Variants in CREB1 observed in about 807,000 individuals in gnomAD.
CREB1 encodes the protein cyclic AMP-responsive element-binding protein 1.
CREB1 carries 2 observed loss-of-function variants against 42.0 expected under a neutral mutation model. The ratio of observed to expected loss-of-function variants is 0.05; its 90% CI spans 0.02 to 0.15. CREB1 has a LOEUF of 0.15. CREB1 is among the 10% of genes least tolerant of loss of function. CREB1 has a pLI of 1.00. For synonymous variants in CREB1, 123 were observed against 139.9 expected, an observed-to-expected ratio of 0.88 and a Z score of 0.85; for missense variants, 199 against 388.9, an observed-to-expected ratio of 0.51 and a Z score of 4.11.
At chr2:207,576,929 T>C in intron 6 of CREB1, 9 of 880,830 alleles carry the variant, frequency 1.0e-5, no homozygotes, top group Non-Finnish European at 1.2e-5. Flanking sequence ...TATTTAGCCA[T>C]TATCATTTAC....
intron 1 of CREB1, chr2:207,550,330 A>G (rs1187253464): frequency 7.6e-6 from 1 of 131,632 alleles, no homozygotes; most frequent in East Asian, 2.0e-4. Flanking sequence ...AGTTGAGGTC[A>G]TTCTTTTTTT....
intron 7 of CREB1, among the ~76,000 whole-genome samples, chr2:207,595,327 A>C (rs1179390211): frequency 6.6e-6 from 1 of 151,744 alleles, no homozygotes; most frequent in African/African-American, 2.4e-5. Context: ...CCATTTATAT[A>C]TCTCTGGAGA....
At chr2:207,590,222 T>C (rs1239019111) in intron 7 of CREB1, among the ~76,000 whole-genome samples, 1 of 151,906 alleles carries the variant, frequency 6.6e-6, no homozygotes, top group South Asian at 2.1e-4. Flanking sequence ...TAGAGTTGTT[T>C]GTAGTGTTAG....
At position 207,598,341 on chromosome 2, in the gene CREB1, A is replaced by G. The variant is rs954524822; in HGVS notation, c.*1283A>G. 3.3e-5 allele frequency: 6 copies of G among 184,412 alleles called. No homozygotes were observed. The highest frequency in any genetic ancestry group is 6.2e-5 in the Admixed American group (1 of 16,078). 11.4% of individuals were successfully genotyped at this position (184,412 alleles called of 1,614,324 possible). ...TTATTAGTTCTGCTTTAGCTTTCCA[A>G]TATGCTGTATAGCCTTTGTCATTTT... On this transcript the variant is annotated 3_prime_UTR_variant, in exon 8 of 8. Transcript: ENST00000353267.
chr2:207,560,323 A>C lies in CREB1; in HGVS notation c.212A>C (p.Gln71Pro). 6.2e-7 allele frequency: 1 copy of C among 1,614,064 alleles called. No homozygotes were observed. Among genetic ancestry groups the C allele is most frequent in the Non-Finnish European group, 8.5e-7 (1 of 1,179,920 alleles). Residue 71 changes from glutamine to proline, a missense_variant, in exon 3 of 8, where the codon CAG (glutamine) becomes CCG (proline). Around this residue, in one of 4 missense-constraint regions of CREB1, gnomAD observed 66 missense variants for 150.8 expected, o/e 0.44. Coordinates refer to ENST00000353267, the MANE Select transcript of CREB1 (RefSeq NM_004379.5). ...ACAGTTCAAGTCCATGGAGTCATTC[A>C]GGCGGCCCAGCCATCAGTTATTCAG... ...GQTVQVHGVIQAAQPSVIQSP... is the reference protein window; with the variant it reads ...GQTVQVHGVIPAAQPSVIQSP...
At chr2:207,589,365 C>T (rs1393147131) in intron 7 of CREB1, among the ~76,000 whole-genome samples, 1 of 152,200 alleles carries the variant, frequency 6.6e-6, no homozygotes, top group African/African-American at 2.4e-5. Flanking sequence ...TCTGCAGTCA[C>T]ATTTTCTTCT....
At chr2:207,532,601 A>G (rs901429265) in intron 1 of CREB1, among the ~76,000 whole-genome samples, 3 of 151,390 alleles carry the variant, frequency 2.0e-5, no homozygotes, top group Non-Finnish European at 2.9e-5. Flanking sequence ...TGAGCCCAGG[A>G]GGTGGAGATT....
chr2:207,537,713 C>G (rs2080929770), intron 1 of CREB1, among the ~76,000 whole-genome samples: 2 of 152,190 alleles, frequency 1.3e-5, no homozygotes, highest in Non-Finnish European at 2.9e-5. Context: ...TATTCACATT[C>G]AGAATGTCTG....
At chr2:207,561,265 C>T in intron 3 of CREB1, 1 of 1,011,752 alleles carries the variant, frequency 9.9e-7, no homozygotes, top group Admixed American at 2.2e-5. Context: ...GGAATTTCAA[C>T]ACTTGAACAA....
chr2:207,543,860 C>T lies in CREB1; in HGVS notation c.-8-11768C>T, dbSNP rs547470921. On this transcript the variant is annotated intron_variant, in intron 1 of 7. Transcript: ENST00000353267. ...CCTTGTGATCTGCCCACCTCAGCCT[C>T]CCAGAGTGCTGGGGATTACAGGCGT... Among the ~76,000 whole-genome samples, 8 of 152,324 alleles carry T rather than the reference C, an allele frequency of 5.3e-5. No individual in the cohort carries two copies. In the South Asian group the frequency reaches 1.7e-3, roughly 32 times the overall value.
At chr2:207,551,579 C>CT (rs1446432671) in intron 1 of CREB1, among the ~76,000 whole-genome samples, 6 of 152,112 alleles carry the variant, frequency 3.9e-5, no homozygotes, top group Non-Finnish European at 7.3e-5. Flanking sequence ...GGGAATATCT[C>CT]TATTTGCCTA....
chr2:207,549,030 C>A (rs1287179350), intron 1 of CREB1, among the ~76,000 whole-genome samples: 1 of 152,096 alleles, frequency 6.6e-6, no homozygotes, highest in African/African-American at 2.4e-5. Context: ...AGCAGAAAGA[C>A]CTTGGTAGGA....
intron 7 of CREB1, among the ~76,000 whole-genome samples, chr2:207,593,250 G>A (rs2085430611): frequency 6.6e-6 from 1 of 152,174 alleles, no homozygotes; most frequent in Non-Finnish European, 1.5e-5. Flanking sequence ...TCAAGGCTGG[G>A]TGCGGTGGCT....
intron 3 of CREB1, among the ~76,000 whole-genome samples, chr2:207,564,923 A>G (rs1442806239): frequency 2.0e-5 from 3 of 152,170 alleles, no homozygotes; most frequent in African/African-American, 7.2e-5. Context: ...TGTGATGATG[A>G]TACGTGATGT....
Position 207,575,282 on chromosome 2 carries a change from C to G in CREB1, c.516C>G (p.Thr172=). The change falls in exon 6 of 8, where the codon ACC becomes ACG. Residue 172 remains threonine, a synonymous_variant. Coordinates refer to ENST00000353267, the MANE Select transcript of CREB1 (RefSeq NM_004379.5). ...QTSSGQYIAI[T]QGGAIQLANN... ...TCCATTGGCTTTTAGTTGCCATTAC[C>G]CAGGGAGGAGCAATACAGCTGGCTA... 6.2e-7 allele frequency: 1 copy of G among 1,613,088 alleles called. No homozygotes were observed. Among genetic ancestry groups the G allele is most frequent in the Non-Finnish European group, 8.5e-7 (1 of 1,179,436 alleles).
intron 1 of CREB1, among the ~76,000 whole-genome samples, chr2:207,553,793 G>A (rs772185433): frequency 4.9e-4 from 75 of 152,118 alleles, no homozygotes; most frequent in Admixed American, 8.5e-4. Flanking sequence ...AGAGTTAAAG[G>A]TGAAAGTCAT....
At chr2:207,560,121 G>C in intron 2 of CREB1, 105 bp from the exon 3 acceptor site, 1 of 1,012,594 alleles carries the variant, frequency 9.9e-7, no homozygotes, top group Non-Finnish European at 1.4e-6. Context: ...TACATATCTA[G>C]CAAAAAGGTC....
intron 2 of CREB1, among the ~76,000 whole-genome samples, chr2:207,556,751 T>C (rs1030717525): frequency 6.6e-6 from 1 of 152,040 alleles, no homozygotes; most frequent in Non-Finnish European, 1.5e-5. Context: ...GGCTGCAGGA[T>C]TGAAGGGGAG....
At chr2:207,586,792 T>C (rs929291409) in intron 7 of CREB1, among the ~76,000 whole-genome samples, 1 of 152,142 alleles carries the variant, frequency 6.6e-6, no homozygotes, top group African/African-American at 2.4e-5. Context: ...CCAAGAAATA[T>C]ATTTGAAAAG....
Sources: allele counts gnomAD v4.1 joint callset (sites outside exome capture counted in the v4.1 genomes callset), GRCh38; gene constraint gnomAD v4.1.1; regional missense constraint gnomAD v4.1.1; transcripts MANE v1.5; gene names NCBI Gene and HGNC (gene_info 2026-07-23, HGNC 2026-07-21).